TMEM114: variants seen among roughly 807,000 people sequenced by gnomAD.
The protein encoded by TMEM114 is claudin-26.
Under a neutral mutation model 6.2 loss-of-function variants are expected in TMEM114, and 6 were observed. That is an observed-to-expected ratio of 0.97 (90% CI 0.53 to 1.91). The LOEUF is 1.91. Ranked by LOEUF, TMEM114 falls within the 40% of genes most tolerant of loss-of-function variation. The pLI is 0.01. For missense variants in TMEM114, 218 were observed against 158.3 expected, an observed-to-expected ratio of 1.38 and a Z score of -2.02; for synonymous variants, 104 against 73.0, an observed-to-expected ratio of 1.42 and a Z score of -2.16.
At chr16:8,564,761 GTGAA>G (rs1901469841), downstream of TMEM114, among the ~76,000 whole-genome samples, 3 of 148,108 alleles carry the variant, frequency 2.0e-5, no homozygotes, top group Non-Finnish European at 4.5e-5. Context: ...GAATGAGTGA[GTGAA>G]TGAGTAAATG....
chr16:8,551,755 G>C (rs1001033359), intron 2 of TMEM114, among the ~76,000 whole-genome samples: 1 of 152,168 alleles, frequency 6.6e-6, no homozygotes, highest in African/African-American at 2.4e-5. Context: ...GTGTTTCTAG[G>C]GGTGTTTCAT....
chr16:8,561,410 G>C (rs923589486), intron 2 of TMEM114, among the ~76,000 whole-genome samples: 1 of 152,140 alleles, frequency 6.6e-6, no homozygotes, highest in African/African-American at 2.4e-5. Flanking sequence ...AGCATACCCC[G>C]CATTCCACCA....
At chr16:8,554,243 G>A (rs1351373337) in intron 2 of TMEM114, among the ~76,000 whole-genome samples, 4 of 140,066 alleles carry the variant, frequency 2.9e-5, no homozygotes, top group South Asian at 2.5e-4. Flanking sequence ...AACAGATGAG[G>A]TCATGTGATT....
chr16:8,535,654 C>A (rs113856774), downstream of TMEM114, among the ~76,000 whole-genome samples: 5 of 152,264 alleles, frequency 3.3e-5, no homozygotes, highest in Non-Finnish European at 7.3e-5. Context: ...CTTATGAGTT[C>A]TGTGATGAAT....
chr16:8,560,206 T>A (rs1901155522), intron 2 of TMEM114, among the ~76,000 whole-genome samples: 1 of 151,974 alleles, frequency 6.6e-6, no homozygotes, highest in Non-Finnish European at 1.5e-5. Context: ...CTATGTTGCT[T>A]AGGCTGGGCT....
Position 8,572,186 on chromosome 16 carries a change from G to C in TMEM114, c.340C>G (p.Leu114Val). The change falls in exon 3 of 4, where the codon CTG becomes GTG. Residue 114 changes from leucine to valine, a missense_variant. Physicochemically the swap from Leu to Val is conservative, Grantham distance 32 (BLOSUM62 1). Coordinates refer to ENST00000620492, the MANE Select transcript of TMEM114 (RefSeq NM_001146336.2). ...ATCCCCCCAAAAACCATCAGGATCA[G>C]GCTGAGCGGCAGCAGAATCACAAAT... Reference protein sequence around the residue: ...GTFVILLPLSLILMVFGGMTG... With the variant: ...GTFVILLPLSVILMVFGGMTG... The C allele has an allele frequency of 6.4e-7, 1 of 1,551,694 alleles. No homozygotes were observed.
chr16:8,554,332 C>T (rs1596473203), intron 2 of TMEM114, among the ~76,000 whole-genome samples: 1 of 152,138 alleles, frequency 6.6e-6, no homozygotes, highest in East Asian at 1.9e-4. Flanking sequence ...AAGGCAGGAG[C>T]ATCGCTTGAG....
downstream of TMEM114, among the ~76,000 whole-genome samples, chr16:8,532,928 A>T (rs182115825): frequency 3.0e-4 from 46 of 152,336 alleles, no homozygotes; most frequent in East Asian, 8.5e-3. Flanking sequence ...CATCTCAAAA[A>T]AAGGAAAAAA....
chr16:8,552,377 C>G (rs984331228), intron 2 of TMEM114, among the ~76,000 whole-genome samples: 24 of 151,736 alleles, frequency 1.6e-4, no homozygotes, highest in Non-Finnish European at 2.8e-4. Flanking sequence ...GAGTGAGACT[C>G]TATTTCTTTA....
At chr16:8,547,334 G>C (rs372709511) in intron 2 of TMEM114, among the ~76,000 whole-genome samples, 2 of 151,872 alleles carry the variant, frequency 1.3e-5, no homozygotes, top group African/African-American at 2.4e-5. Context: ...GCCCTTCCTT[G>C]TCCTGAAATG....
intron 2 of TMEM114, among the ~76,000 whole-genome samples, chr16:8,555,991 A>C (rs1231280334): frequency 6.6e-6 from 1 of 152,276 alleles, no homozygotes; most frequent in South Asian, 2.1e-4. Flanking sequence ...TTCCAGCATG[A>C]ATTTACTATC....
downstream of TMEM114, among the ~76,000 whole-genome samples, chr16:8,533,722 T>C (rs1468146226): frequency 6.6e-6 from 1 of 152,214 alleles, no homozygotes; most frequent in Non-Finnish European, 1.5e-5. Context: ...TATTGACTTG[T>C]TACCTTGAAT....
chr16:8,532,226 T>A, the TMEM114 span, among the ~76,000 whole-genome samples: 1 of 152,212 alleles, frequency 6.6e-6, no homozygotes, highest in Non-Finnish European at 1.5e-5. Flanking sequence ...GATCCTAGTA[T>A]TGAGACAATA....
chr16:8,567,564 G>C (rs1901585418), downstream of TMEM114, among the ~76,000 whole-genome samples: 1 of 152,164 alleles, frequency 6.6e-6, no homozygotes, highest in East Asian at 1.9e-4. Flanking sequence ...GAGCATCATA[G>C]GATGCGAGGA....
intron 2 of TMEM114, among the ~76,000 whole-genome samples, chr16:8,564,010 TGAG>T (rs1233852296): frequency 6.6e-6 from 1 of 151,042 alleles, no homozygotes; most frequent in African/African-American, 2.5e-5. Flanking sequence ...AGTGAGTGAA[TGAG>T]TATGTGAATG....
chr16:8,554,765 C>G (rs1226494418), intron 2 of TMEM114, among the ~76,000 whole-genome samples: 2 of 152,222 alleles, frequency 1.3e-5, no homozygotes, highest in Non-Finnish European at 2.9e-5. Flanking sequence ...AAGTCCTGTT[C>G]TACGTACTTT....
intron 2 of TMEM114, among the ~76,000 whole-genome samples, chr16:8,557,560 T>TA (rs1302778117): frequency 1.3e-5 from 2 of 152,208 alleles, no homozygotes; most frequent in Admixed American, 6.5e-5. Context: ...GGTCACTAGT[T>TA]TTGGCCACTA....
intron 2 of TMEM114, among the ~76,000 whole-genome samples, chr16:8,561,921 T>C (rs896176132): frequency 2.6e-5 from 3 of 115,436 alleles, no homozygotes; most frequent in Admixed American, 8.6e-5. Context: ...AATGAGTAAG[T>C]GAATGAGTGA....
chr16:8,565,376 T>C, downstream of TMEM114, among the ~76,000 whole-genome samples: 1 of 152,282 alleles, frequency 6.6e-6, no homozygotes, highest in Non-Finnish European at 1.5e-5. Context: ...AGTGAATAAA[T>C]GAATGGATCT....
Sources: gnomAD v4.1 joint callset for allele counts (sites outside exome capture counted in the v4.1 genomes callset) on GRCh38, gnomAD v4.1.1 for gene constraint, MANE v1.5 for transcripts, NCBI Gene and HGNC (gene_info 2026-07-23, HGNC 2026-07-21) for gene names.